GALNT13: variants seen among roughly 807,000 people sequenced by gnomAD.
GALNT13 encodes the protein polypeptide N-acetylgalactosaminyltransferase 13.
GALNT13 carries 28 observed loss-of-function variants against 64.2 expected under a neutral mutation model. That is an observed-to-expected ratio of 0.44 (90% CI 0.32 to 0.60). The LOEUF is 0.60. GALNT13 is among the 20% of genes least tolerant of loss of function. GALNT13 has a pLI of 0.05. For missense variants in GALNT13, 577 were observed against 669.8 expected, an observed-to-expected ratio of 0.86 and a Z score of 1.53; for synonymous variants, 214 against 224.6, an observed-to-expected ratio of 0.95 and a Z score of 0.42.
the GALNT13 span, among the ~76,000 whole-genome samples, chr2:153,217,505 T>C: frequency 6.6e-6 from 1 of 152,086 alleles, no homozygotes; most frequent in Non-Finnish European, 1.5e-5. Flanking sequence ...GGATGCTGTT[T>C]TATTTTATTT....
intron 10 of GALNT13, among the ~76,000 whole-genome samples, chr2:154,402,067 G>C (rs78991144): frequency 0.013 from 1,960 of 152,132 alleles, 47 homozygotes; most frequent in African/African-American, 0.045. Flanking sequence ...TCTTTACAAA[G>C]AAAAGAGAAA....
chr2:154,340,875 A>G (rs1023133973), intron 9 of GALNT13, among the ~76,000 whole-genome samples: 11 of 142,222 alleles, frequency 7.7e-5, no homozygotes, highest in African/African-American at 2.6e-5. Flanking sequence ...GCAGTCACAG[A>G]TATCTTTGTT....
chr2:154,276,198 T>A (rs1425763301), intron 8 of GALNT13, among the ~76,000 whole-genome samples: 1 of 152,010 alleles, frequency 6.6e-6, no homozygotes. Context: ...TTCTTTGTTT[T>A]CTTTTCTTTT....
chr2:154,112,389 C>A (rs1703036960), intron 3 of GALNT13, among the ~76,000 whole-genome samples: 1 of 152,142 alleles, frequency 6.6e-6, no homozygotes, highest in Non-Finnish European at 1.5e-5. Flanking sequence ...CAGAACGGGT[C>A]ATCCTATTGA....
chr2:154,262,920 C>T (rs1163760308), intron 8 of GALNT13, among the ~76,000 whole-genome samples: 1 of 151,956 alleles, frequency 6.6e-6, no homozygotes, highest in African/African-American at 2.4e-5. Context: ...CAAAAAGTAT[C>T]CTCTATCTTT....
chr2:154,347,517 TC>T (rs1280430707), intron 9 of GALNT13, among the ~76,000 whole-genome samples: 4 of 152,062 alleles, frequency 2.6e-5, no homozygotes, highest in Admixed American at 2.6e-4. Flanking sequence ...AGATTTGGTC[TC>T]TCCATACCAA....
the GALNT13 span, among the ~76,000 whole-genome samples, chr2:153,322,140 A>G: frequency 2.0e-5 from 3 of 151,978 alleles, no homozygotes; most frequent in South Asian, 6.2e-4. Context: ...TGGGCATAGT[A>G]TCTAATGTTT....
the GALNT13 span, among the ~76,000 whole-genome samples, chr2:153,510,445 A>C: frequency 6.6e-6 from 1 of 152,312 alleles, no homozygotes; most frequent in South Asian, 2.1e-4. Context: ...GCCCTTAAGA[A>C]GCTTGTATTC....
At chr2:153,087,477 G>A in the GALNT13 span, among the ~76,000 whole-genome samples, 7 of 152,182 alleles carry the variant, frequency 4.6e-5, no homozygotes, top group Admixed American at 1.3e-4. Flanking sequence ...TGCTATTAGG[G>A]TGATAATGGC....
intron 8 of GALNT13, among the ~76,000 whole-genome samples, chr2:154,263,169 A>G (rs1690795689): frequency 6.6e-6 from 1 of 152,186 alleles, no homozygotes; most frequent in Non-Finnish European, 1.5e-5. Flanking sequence ...GAATGGTTAC[A>G]AGTATGGACT....
At chr2:153,514,829 C>G in the GALNT13 span, among the ~76,000 whole-genome samples, 1 of 152,116 alleles carries the variant, frequency 6.6e-6, no homozygotes, top group Non-Finnish European at 1.5e-5. Flanking sequence ...AGGTGCTGTG[C>G]TGAGAATGCT....
chr2:154,089,988 G>T (rs539784317), intron 3 of GALNT13, among the ~76,000 whole-genome samples: 1 of 151,798 alleles, frequency 6.6e-6, no homozygotes, highest in Admixed American at 6.6e-5. Flanking sequence ...TCAGTAATTG[G>T]GCCAGATACT....
At chr2:153,588,837 A>C in the GALNT13 span, among the ~76,000 whole-genome samples, 2 of 152,160 alleles carry the variant, frequency 1.3e-5, no homozygotes, top group Non-Finnish European at 2.9e-5. Context: ...CTTTAACAGC[A>C]CCTATGTCAC....
chr2:154,274,034 T>C (rs572294630), intron 8 of GALNT13, among the ~76,000 whole-genome samples: 1 of 152,298 alleles, frequency 6.6e-6, no homozygotes, highest in South Asian at 2.1e-4. Flanking sequence ...ATTTGCATTA[T>C]ACTTCAGATC....
At chr2:154,182,620 T>A (rs1255690164) in intron 4 of GALNT13, among the ~76,000 whole-genome samples, 1 of 148,824 alleles carries the variant, frequency 6.7e-6, no homozygotes, top group East Asian at 1.9e-4. Context: ...GCAGAAAAAA[T>A]ATATATTTAT....
In GALNT13 at chr2:154,438,705, G is replaced by A; in HGVS notation, c.1509G>A (p.Gln503=). Residue 503 remains glutamine (Q), a synonymous_variant, in exon 12 of 13, where the codon CAG becomes CAA. Transcript: ENST00000392825. ...MLKCHHMRGN[Q]LWEYDAERLT... is the part of the protein sequence containing the mutation. The stretch of plus-strand genomic sequence containing the variant: ...AATGCCACCATATGAGAGGAAATCA[G>A]TTATGGGAATATGATGCTGAGGTAT... 6.2e-7 allele frequency: 1 copy of A among 1,609,824 alleles called. No homozygotes were observed. The highest frequency in any genetic ancestry group is 8.5e-7 in the Non-Finnish European group (1 of 1,176,718).
intron 2 of GALNT13, among the ~76,000 whole-genome samples, chr2:153,905,158 A>G (rs1346020421): frequency 2.0e-5 from 3 of 151,956 alleles, no homozygotes; most frequent in African/African-American, 7.2e-5. Flanking sequence ...TACTTTGTCA[A>G]GTTAACAAGA....
intron 8 of GALNT13, among the ~76,000 whole-genome samples, chr2:154,295,520 T>C (rs1278672793): frequency 6.6e-6 from 1 of 151,742 alleles, no homozygotes; most frequent in Non-Finnish European, 1.5e-5. Flanking sequence ...CCCACCACCA[T>C]GTGCCCAGCT....
chr2:153,095,128 C>T, the GALNT13 span, among the ~76,000 whole-genome samples: 24 of 152,250 alleles, frequency 1.6e-4, no homozygotes, highest in African/African-American at 5.1e-4. Context: ...AAAATTTTTG[C>T]AATCTACCCA....
Sources: gnomAD v4.1 joint callset for allele counts (sites outside exome capture counted in the v4.1 genomes callset) on GRCh38, gnomAD v4.1.1 for gene constraint, MANE v1.5 for transcripts, NCBI Gene and HGNC (gene_info 2026-07-23, HGNC 2026-07-21) for gene names.